The following CREBRF variants were observed in gnomAD, a reference collection of about 807,000 sequenced individuals.
CREBRF encodes the protein UPF0474 protein C5orf41.
In CREBRF, 5 loss-of-function variants were observed where a neutral mutation model predicts 66.1. The observed-to-expected ratio is 0.08, with a 90% CI of 0.04 to 0.16. The LOEUF is 0.16. CREBRF is among the 10% of genes least tolerant of loss of function. CREBRF has a pLI of 1.00. For synonymous variants in CREBRF, 229 were observed against 264.4 expected (o/e 0.87, Z 1.30); for missense variants, 531 against 744.9 (o/e 0.71, Z 3.34).
rs185360360 is a variant in CREBRF, at chr5:173,113,149, C to T, written c.1681+770C>T. ...CTGGGAATACAGGAGTGCACTACCA[C>T]GCCTGGCTGATTTTTTGCATTTTTC... On this transcript the variant is annotated intron_variant, in intron 7 of 8. Coordinates refer to ENST00000296953, the MANE Select transcript of CREBRF (RefSeq NM_153607.3). Among the ~76,000 whole-genome samples, 11 of 152,228 alleles carry T rather than the reference C, an allele frequency of 7.2e-5. 1 individual carries two copies. In the South Asian group the frequency reaches 1.7e-3, roughly 23 times the overall value.
At chr5:173,122,567 CTTTTAT>C (rs1056250648) in intron 7 of CREBRF, among the ~76,000 whole-genome samples, 43 of 123,186 alleles carry the variant, frequency 3.5e-4, no homozygotes, top group East Asian at 6.8e-4. Context: ...TCTATTATTT[CTTTTAT>C]TATTATTATT....
chr5:173,133,249 G>C (rs1003838909), intron 8 of CREBRF, among the ~76,000 whole-genome samples: 2 of 152,168 alleles, frequency 1.3e-5, no homozygotes, highest in African/African-American at 2.4e-5. Flanking sequence ...ATGGAACTTG[G>C]TGAGTTTAGA....
At chr5:173,084,388 A>G (rs1369767179) in intron 2 of CREBRF, among the ~76,000 whole-genome samples, 1 of 152,250 alleles carries the variant, frequency 6.6e-6, no homozygotes, top group Non-Finnish European at 1.5e-5. Context: ...AACAGCTTCA[A>G]CAATTCCAAT....
At chr5:173,102,821 G>A (rs1420582784) in intron 4 of CREBRF, among the ~76,000 whole-genome samples, 1 of 152,094 alleles carries the variant, frequency 6.6e-6, no homozygotes, top group Non-Finnish European at 1.5e-5. Flanking sequence ...GCTTGGTGCT[G>A]GGGTAGACCT....
intron 1 of CREBRF, among the ~76,000 whole-genome samples, chr5:173,058,942 C>T (rs977164502): frequency 2.0e-5 from 3 of 151,488 alleles, no homozygotes; most frequent in Non-Finnish European, 4.4e-5. Context: ...ACTACAGGCG[C>T]GTGCCACCAT....
chr5:173,058,994 A>C (rs1757174610), intron 1 of CREBRF, among the ~76,000 whole-genome samples: 1 of 150,960 alleles, frequency 6.6e-6, no homozygotes, highest in African/African-American at 2.4e-5. Flanking sequence ...ACGGGGTTTC[A>C]CCACGTGCTG....
At chr5:173,079,668 C>T (rs150207780) in intron 1 of CREBRF, among the ~76,000 whole-genome samples, 1,648 of 152,032 alleles carry the variant, frequency 0.011, 73 homozygotes, top group East Asian at 0.077. Flanking sequence ...ACCTGGAGGG[C>T]GTATTAAAAA....
chr5:173,091,872 G>A, intron 4 of CREBRF: 1 of 692,884 alleles, frequency 1.4e-6, no homozygotes, highest in African/African-American at 1.9e-5. Flanking sequence ...ATCACCTGAG[G>A]TCAGGAGTTA....
rs192361293 is a variant in CREBRF, at chr5:173,127,749, C to T, written c.1804+4547C>T. Reference sequence around the variant, plus strand: ...CTGGGATTACAGGCGTGAGCCACTGCGCCTGGCCTGAGTTTATTTTTCTTA... The same window carrying T: ...CTGGGATTACAGGCGTGAGCCACTGTGCCTGGCCTGAGTTTATTTTTCTTA... On this transcript the variant is annotated intron_variant, in intron 8 of 8. Transcript: ENST00000296953. 3.7e-3 allele frequency among the ~76,000 whole-genome samples: 559 copies of T among 152,262 alleles called. 1 individual carries two copies. The highest frequency in any genetic ancestry group is 0.013 in the African/African-American group (539 of 41,558).
At chr5:173,069,276 A>G (rs1428615987) in intron 1 of CREBRF, among the ~76,000 whole-genome samples, 1 of 152,092 alleles carries the variant, frequency 6.6e-6, no homozygotes, top group Non-Finnish European at 1.5e-5. Context: ...AATAATGGGG[A>G]ATTCTTGCAT....
intron 1 of CREBRF, among the ~76,000 whole-genome samples, chr5:173,064,076 C>T (rs1581655359): frequency 6.6e-6 from 1 of 151,226 alleles, no homozygotes; most frequent in East Asian, 1.9e-4. Flanking sequence ...TTTTTTTTGT[C>T]CTCCAGTTTT....
intron 4 of CREBRF, among the ~76,000 whole-genome samples, chr5:173,103,914 A>G (rs535113665): frequency 2.0e-5 from 3 of 152,342 alleles, no homozygotes; most frequent in East Asian, 1.9e-4. Context: ...TTTGGTAATC[A>G]TGTCAGATAG....
intron 1 of CREBRF, among the ~76,000 whole-genome samples, chr5:173,071,171 G>A (rs924099614): frequency 1.4e-5 from 2 of 140,770 alleles, no homozygotes; most frequent in African/African-American, 5.1e-5. Context: ...TAAGAGTAGT[G>A]GAAGACAGAG....
intron 2 of CREBRF, among the ~76,000 whole-genome samples, chr5:173,082,949 G>T (rs566240931): frequency 3.9e-4 from 44 of 113,968 alleles, no homozygotes; most frequent in Middle Eastern, 5.8e-3. Flanking sequence ...AAAAAAAACC[G>T]GGTGCAGTGG....
chr5:173,061,657 CA>C lies in CREBRF; in HGVS notation c.-192+5181del, dbSNP rs1261129044. Among the ~76,000 whole-genome samples the C allele has an allele frequency of 2.6e-5, 4 of 152,144 alleles. No individual in the cohort carries two copies. In the East Asian group the frequency reaches 7.7e-4, roughly 29 times the overall value. On this transcript the variant is annotated intron_variant, in intron 1 of 8. Transcript: ENST00000296953. ...AGTCAACACATGTAGTTCTTATATT[CA>C]AATATGCAGTTAATTTAGAAGTTAA...
chr5:173,063,432 A>G (rs1757340327), intron 1 of CREBRF, among the ~76,000 whole-genome samples: 1 of 152,128 alleles, frequency 6.6e-6, no homozygotes. Flanking sequence ...CAGTGGCGCC[A>G]TCTCGGCTCA....
At chr5:173,085,315 A>G (rs1390675696) in intron 2 of CREBRF, 1 of 931,990 alleles carries the variant, frequency 1.1e-6, no homozygotes, top group Non-Finnish European at 1.6e-6. Flanking sequence ...AGCTATGCAG[A>G]AAGGGCTCTG....
chr5:173,082,326 A>G (rs1176050611), intron 2 of CREBRF, among the ~76,000 whole-genome samples: 3 of 151,958 alleles, frequency 2.0e-5, no homozygotes, highest in Admixed American at 6.6e-5. Context: ...GTTTAGTTTT[A>G]TATTTATTGA....
chr5:173,116,922 A>G (rs191408173), intron 7 of CREBRF, among the ~76,000 whole-genome samples: 1 of 152,100 alleles, frequency 6.6e-6, no homozygotes, highest in Non-Finnish European at 1.5e-5. Context: ...TTACAAATCT[A>G]ATGGGTGTGT....
Sources: gnomAD v4.1 joint callset for allele counts (sites outside exome capture counted in the v4.1 genomes callset) on GRCh38, gnomAD v4.1.1 for gene constraint, MANE v1.5 for transcripts, NCBI Gene and HGNC (gene_info 2026-07-23, HGNC 2026-07-21) for gene names.